The following CDH13 variants were observed in gnomAD, a reference collection of about 807,000 sequenced individuals.
The protein encoded by CDH13 is cadherin 13, also known as cadherin-13.
CDH13 carries 24 observed loss-of-function variants against 63.8 expected under a neutral mutation model. That is an observed-to-expected ratio of 0.38 (90% CI 0.27 to 0.53). CDH13 has a LOEUF of 0.53. Among genes scored for constraint, CDH13 ranks in the 20% least tolerant of loss-of-function variants. The probability of loss-of-function intolerance (pLI) is 0.85; values close to 1 mark genes in which losing one functional copy is unlikely to be tolerated. For synonymous variants in CDH13, 503 were observed against 355.3 expected, an observed-to-expected ratio of 1.42 and a Z score of -4.67; for missense variants, 1,049 against 903.1, an observed-to-expected ratio of 1.16 and a Z score of -2.07.
In CDH13 at chr16:82,681,884, C is replaced by A. The variant is rs114824778; in HGVS notation, c.45+54747C>A. 2.6e-3 allele frequency among the ~76,000 whole-genome samples: 390 copies of A among 152,318 alleles called. 2 individuals are homozygous for A. Among genetic ancestry groups the A allele is most frequent in the African/African-American group, 9.0e-3 (374 of 41,568 alleles). On this transcript the variant is annotated intron_variant, in intron 1 of 13. Coordinates refer to ENST00000567109, the MANE Select transcript of CDH13 (RefSeq NM_001257.5). ...CAGAGCTCAGTGCGTCTTGCTGGCT[C>A]CCAGAGGCCCCAGCCCGGTTGAGCT... is the stretch of plus-strand genomic sequence containing the variant.
chr16:83,232,199 A>G (rs1415257660), intron 5 of CDH13, among the ~76,000 whole-genome samples: 2 of 129,330 alleles, frequency 1.5e-5, no homozygotes, highest in Non-Finnish European at 3.1e-5. Flanking sequence ...CTTGAAATTA[A>G]AAGTGTTTTC....
intron 1 of CDH13, among the ~76,000 whole-genome samples, chr16:82,800,979 GT>G: frequency 6.6e-6 from 1 of 152,310 alleles, no homozygotes; most frequent in East Asian, 1.9e-4. Context: ...GGGAATAGGA[GT>G]TCTTGAAACT....
intron 8 of CDH13, among the ~76,000 whole-genome samples, chr16:83,647,761 GT>G (rs1457637958): frequency 1.3e-5 from 2 of 152,168 alleles, no homozygotes; most frequent in African/African-American, 4.8e-5. Context: ...GTGTTATCTG[GT>G]TGGTGGGTAC....
intron 1 of CDH13, among the ~76,000 whole-genome samples, chr16:82,696,946 C>G (rs1196085520): frequency 6.6e-6 from 1 of 152,146 alleles, no homozygotes; most frequent in Non-Finnish European, 1.5e-5. Flanking sequence ...CAGTTCCTTA[C>G]CACAATAGGC....
chr16:82,830,174 G>A (rs942805432), intron 1 of CDH13, among the ~76,000 whole-genome samples: 2 of 152,180 alleles, frequency 1.3e-5, no homozygotes, highest in African/African-American at 4.8e-5. Context: ...CTGTCCACGT[G>A]TGAAACTTAT....
At chr16:82,808,100 C>G (rs919536199) in intron 1 of CDH13, among the ~76,000 whole-genome samples, 1 of 152,170 alleles carries the variant, frequency 6.6e-6, no homozygotes, top group Admixed American at 6.6e-5. Flanking sequence ...CTCCAGCTAA[C>G]TAGCTCAGTG....
chr16:83,789,063 T>C (rs1916080209), intron 13 of CDH13, among the ~76,000 whole-genome samples: 1 of 152,194 alleles, frequency 6.6e-6, no homozygotes, highest in Non-Finnish European at 1.5e-5. Context: ...ATGATTTACG[T>C]TTTATTATAT....
intron 1 of CDH13, among the ~76,000 whole-genome samples, chr16:82,709,507 C>A (rs935936585): frequency 6.6e-6 from 1 of 152,154 alleles, no homozygotes; most frequent in Non-Finnish European, 1.5e-5. Flanking sequence ...TAACTCTAGG[C>A]TGGTTACTCA....
At chr16:82,744,003 A>G (rs2034050108) in intron 1 of CDH13, among the ~76,000 whole-genome samples, 1 of 152,250 alleles carries the variant, frequency 6.6e-6, no homozygotes, top group South Asian at 2.1e-4. Flanking sequence ...ACAGTGAACA[A>G]GATGGATAAG....
intron 1 of CDH13, among the ~76,000 whole-genome samples, chr16:82,705,455 G>T (rs983024800): frequency 6.6e-6 from 1 of 152,106 alleles, no homozygotes; most frequent in African/African-American, 2.4e-5. Flanking sequence ...AAATTAGCTC[G>T]GCTTCCTGCA....
At chr16:82,708,338 T>C (rs2031653558) in intron 1 of CDH13, among the ~76,000 whole-genome samples, 1 of 152,092 alleles carries the variant, frequency 6.6e-6, no homozygotes, top group Non-Finnish European at 1.5e-5. Flanking sequence ...GGAGTTACTA[T>C]AAAAGTGCAA....
In CDH13 at chr16:83,518,573, C is replaced by T. The variant is rs531077542; in HGVS notation, c.960+31918C>T. Among the ~76,000 whole-genome samples, 376 of 150,078 alleles carry T rather than the reference C, an allele frequency of 2.5e-3. 2 individuals are homozygous for T. Among genetic ancestry groups the T allele is most frequent in the African/African-American group, 8.8e-3 (358 of 40,766 alleles). ...CTGCAAGCTCCGCCTCCCGGGTTCA[C>T]GGCATTCTCCTGCCTCAGCCTTCCG... is the stretch of plus-strand genomic sequence containing the variant. On this transcript the variant is annotated intron_variant, in intron 7 of 13. Transcript: ENST00000567109.
Position 82,998,213 on chromosome 16 carries a change from T to A in CDH13, c.158-33797T>A, listed in dbSNP as rs562353912. On this transcript the variant is annotated intron_variant, in intron 2 of 13. Transcript: ENST00000567109. ...GATCCTCACTTTGCTTGTATCATTT[T>A]CCCTAGAATAACTATTTTCTAAAAC... 3.1e-4 allele frequency among the ~76,000 whole-genome samples: 47 copies of A among 152,328 alleles called. 1 individual carries two copies. The highest frequency in any genetic ancestry group is 1.1e-3 in the African/African-American group (45 of 41,588).
chr16:83,142,711 C>G (rs1039205223), intron 4 of CDH13, among the ~76,000 whole-genome samples: 5 of 152,180 alleles, frequency 3.3e-5, no homozygotes, highest in Admixed American at 2.0e-4. Context: ...TCTTCAGCAT[C>G]TAGGATATGT....
chr16:83,676,892 C>G (rs3784941), intron 9 of CDH13, among the ~76,000 whole-genome samples: 49 of 152,366 alleles, frequency 3.2e-4, no homozygotes, highest in African/African-American at 1.1e-3. Flanking sequence ...GGTGCCAGCT[C>G]TTTCCCCAGC....
intron 2 of CDH13, among the ~76,000 whole-genome samples, chr16:82,951,871 A>G (rs1454805926): frequency 2.0e-5 from 3 of 152,176 alleles, no homozygotes; most frequent in African/African-American, 7.2e-5. Flanking sequence ...TTTCTTTCCC[A>G]GGAGCCACAG....
intron 2 of CDH13, among the ~76,000 whole-genome samples, chr16:82,869,431 C>T (rs1055100320): frequency 1.3e-5 from 2 of 151,462 alleles, no homozygotes; most frequent in East Asian, 3.9e-4. Flanking sequence ...TGATATGTAA[C>T]TTTATCCTTA....
intron 12 of CDH13, among the ~76,000 whole-genome samples, chr16:83,782,317 G>A (rs1319280569): frequency 1.3e-5 from 2 of 152,180 alleles, no homozygotes; most frequent in Non-Finnish European, 2.9e-5. Context: ...CCAGGGGCCT[G>A]GGTGATGGTG....
chr16:82,636,354 A>G (rs1002682122), intron 1 of CDH13, among the ~76,000 whole-genome samples: 1 of 152,034 alleles, frequency 6.6e-6, no homozygotes, highest in African/African-American at 2.4e-5. Flanking sequence ...GCATTACAGT[A>G]TTGCCAGCAG....
Sources: gnomAD v4.1 joint callset for allele counts (sites outside exome capture counted in the v4.1 genomes callset) on GRCh38, gnomAD v4.1.1 for gene constraint, MANE v1.5 for transcripts, NCBI Gene and HGNC (gene_info 2026-07-23, HGNC 2026-07-21) for gene names.